The following DLG1 variants were observed in gnomAD, a reference collection of about 807,000 sequenced individuals.
DLG1 encodes discs large MAGUK scaffold protein 1.
In DLG1, 42 loss-of-function variants were observed where a neutral mutation model predicts 123.4. The observed-to-expected ratio is 0.34, with a 90% CI of 0.27 to 0.44. DLG1 has a LOEUF of 0.44. Ranked by LOEUF, DLG1 falls within the 20% of genes least tolerant of loss-of-function variation. The pLI, the probability that DLG1 is intolerant of heterozygous loss-of-function variation, is 1.00. For synonymous variants in DLG1, 317 were observed against 356.2 expected (o/e 0.89, Z 1.24); for missense variants, 942 against 1,082.6 (o/e 0.87, Z 1.82).
At chr3:197,192,261 CA>C (rs1720013767) in intron 5 of DLG1, among the ~76,000 whole-genome samples, 1 of 151,826 alleles carries the variant, frequency 6.6e-6, no homozygotes, top group Non-Finnish European at 1.5e-5. Flanking sequence ...ACGAGGCTAA[CA>C]AAAAACAAAT....
intron 4 of DLG1, among the ~76,000 whole-genome samples, chr3:197,266,928 T>G (rs191919733): frequency 1.1e-3 from 160 of 152,170 alleles, no homozygotes; most frequent in Non-Finnish European, 1.8e-3. Context: ...ACGTCTAAAG[T>G]AGGTAAAAAC....
chr3:197,069,279 GA>G lies in DLG1; in HGVS notation c.2006-20del, dbSNP rs544930540. ...ACATGCTCTGAAATTGCAGGACAATGAAAAAAAATAAAACAGTGTCATGAGT... is the reference window on the plus strand; with the variant it reads ...ACATGCTCTGAAATTGCAGGACAATGAAAAAAATAAAACAGTGTCATGAGT... On this transcript the variant is annotated intron_variant, in intron 18 of 24. Coordinates refer to ENST00000667157, the MANE Select transcript of DLG1 (RefSeq NM_001366207.1). 1.1e-4 allele frequency: 175 copies of G among 1,557,836 alleles called. No homozygotes were observed. The highest frequency in any genetic ancestry group is 7.2e-4 in the African/African-American group (52 of 72,538).
chr3:197,079,873 A>C (rs1421561571), intron 17 of DLG1, among the ~76,000 whole-genome samples: 1 of 152,194 alleles, frequency 6.6e-6, no homozygotes, highest in Non-Finnish European at 1.5e-5. Flanking sequence ...CTCATCTTTT[A>C]AATTTTAAAG....
intron 23 of DLG1, among the ~76,000 whole-genome samples, chr3:197,056,109 GC>G (rs1731500054): frequency 6.6e-6 from 1 of 152,124 alleles, no homozygotes; most frequent in Admixed American, 6.6e-5. Context: ...GAAGTCATAA[GC>G]CTTCAATAGA....
intron 6 of DLG1, among the ~76,000 whole-genome samples, chr3:197,144,303 T>C (rs907175367): frequency 3.9e-5 from 6 of 152,146 alleles, no homozygotes; most frequent in Non-Finnish European, 7.4e-5. Context: ...AGCTATAACA[T>C]GAGTAAAACT....
chr3:197,094,422 G>T (rs1030044793), intron 14 of DLG1, among the ~76,000 whole-genome samples: 1 of 152,040 alleles, frequency 6.6e-6, no homozygotes, highest in Admixed American at 6.6e-5. Flanking sequence ...CTTTTGTTTG[G>T]CTTTTGTCTT....
chr3:197,188,574 A>T (rs549030736), intron 5 of DLG1, among the ~76,000 whole-genome samples: 6 of 152,306 alleles, frequency 3.9e-5, no homozygotes, highest in African/African-American at 1.4e-4. Context: ...AGCTGTGCCT[A>T]ATTTACAATC....
Position 197,085,611 on chromosome 3 carries a change from C to T in DLG1, c.1807G>A (p.Asp603Asn), listed in dbSNP as rs755522594. ...ARQVTPDGES[D>N]EVGVIPSKRR... ...TTACTGGGAATCACTCCGACCTCAT[C>T]GCTCTCACCATCTGGTGTAACCTGC... The change falls in exon 16 of 25, where the codon GAT (aspartate) becomes AAT (asparagine). Residue 603 changes from aspartate to asparagine, a missense_variant. Physicochemically the swap from Asp to Asn is conservative, Grantham distance 23. Transcript: ENST00000667157. 51 of 1,613,832 alleles carry T rather than the reference C, an allele frequency of 3.2e-5. No homozygotes were observed. Among genetic ancestry groups the T allele is most frequent in the African/African-American group, 1.1e-4 (8 of 74,856 alleles).
At chr3:197,266,482 T>C (rs1761745461) in intron 4 of DLG1, among the ~76,000 whole-genome samples, 1 of 151,748 alleles carries the variant, frequency 6.6e-6, no homozygotes, top group Non-Finnish European at 1.5e-5. Flanking sequence ...CCTGGTGGTA[T>C]ACATGTGTAG....
At chr3:197,082,657 A>G (rs1212944372) in intron 16 of DLG1, among the ~76,000 whole-genome samples, 1 of 152,140 alleles carries the variant, frequency 6.6e-6, no homozygotes, top group Non-Finnish European at 1.5e-5. Flanking sequence ...GAGGTCTAAG[A>G]AAGAGATAGT....
intron 19 of DLG1, among the ~76,000 whole-genome samples, chr3:197,067,537 TA>T (rs1190417861): frequency 7.0e-6 from 1 of 142,950 alleles, no homozygotes; most frequent in African/African-American, 2.6e-5. Context: ...AATAAATAGT[TA>T]AAAACTCTGA....
At chr3:197,072,913 T>C (rs1578556370) in intron 18 of DLG1, among the ~76,000 whole-genome samples, 1 of 152,148 alleles carries the variant, frequency 6.6e-6, no homozygotes, top group Non-Finnish European at 1.5e-5. Context: ...GCCAGGCTGG[T>C]CTCGAATTCC....
Position 197,142,751 on chromosome 3 carries a change from T to C in DLG1, c.555A>G (p.Ala185=), listed in dbSNP as rs772954076. The C allele has an allele frequency of 1.9e-6, 3 of 1,609,228 alleles. No homozygotes were observed. In the Admixed American group the frequency reaches 5.1e-5, roughly 27 times the overall value. The change falls in exon 7 of 25, where the codon GCA becomes GCG. Residue 185 remains alanine (A), a synonymous_variant. Transcript: ENST00000667157. The part of the protein sequence containing the change: ...ETPTYVNGTD[A]DYEYEEITLE... ...GTGTGATTTCTTCATATTCATAATCTGCATCTGTGCCATTAACCTACAGGG... is the reference window on the plus strand; with the variant it reads ...GTGTGATTTCTTCATATTCATAATCCGCATCTGTGCCATTAACCTACAGGG...
chr3:197,088,076 A>G (rs1755461919), intron 15 of DLG1, among the ~76,000 whole-genome samples: 1 of 152,190 alleles, frequency 6.6e-6, no homozygotes, highest in South Asian at 2.1e-4. Flanking sequence ...ATAGAAAAGA[A>G]CAGAATGACG....
chr3:197,092,134 T>C (rs1436376350), intron 14 of DLG1, among the ~76,000 whole-genome samples: 1 of 152,190 alleles, frequency 6.6e-6, no homozygotes, highest in Middle Eastern at 3.2e-3. Context: ...TATCAATCCA[T>C]GGCAAGTTGT....
At chr3:197,136,873 AAT>A (rs1785292809) in intron 9 of DLG1, among the ~76,000 whole-genome samples, 195 bp from the exon 10 acceptor site, 1 of 152,388 alleles carries the variant, frequency 6.6e-6, no homozygotes, top group Admixed American at 6.5e-5. Context: ...TAGAGTTACG[AAT>A]AGATTCCTTT....
At chr3:197,115,145 T>C (rs967059394) in intron 13 of DLG1, among the ~76,000 whole-genome samples, 3 of 151,346 alleles carry the variant, frequency 2.0e-5, no homozygotes, top group African/African-American at 7.3e-5. Flanking sequence ...TTGTATGACC[T>C]GTGGATTAAC....
At chr3:197,216,926 T>C (rs1734394161) in intron 4 of DLG1, among the ~76,000 whole-genome samples, 1 of 152,200 alleles carries the variant, frequency 6.6e-6, no homozygotes, top group Non-Finnish European at 1.5e-5. Flanking sequence ...AAAATAAAGA[T>C]AGCAACACTG....
At chr3:197,122,388 G>C (rs1014770229) in intron 11 of DLG1, among the ~76,000 whole-genome samples, 2 of 152,064 alleles carry the variant, frequency 1.3e-5, no homozygotes, top group African/African-American at 4.8e-5. Flanking sequence ...CCCCCAGTTT[G>C]TGAACATGAC....
Sources: allele counts gnomAD v4.1 joint callset (sites outside exome capture counted in the v4.1 genomes callset), GRCh38; gene constraint gnomAD v4.1.1; transcripts MANE v1.5; gene names NCBI Gene and HGNC (gene_info 2026-07-23, HGNC 2026-07-21).